PTPRD: variants seen among roughly 807,000 people sequenced by gnomAD.
PTPRD encodes the protein protein tyrosine phosphatase receptor type D, also known as receptor-type tyrosine-protein phosphatase delta.
A neutral mutation model predicts 214.5 loss-of-function variants in PTPRD; 34 were observed. The ratio of observed to expected loss-of-function variants is 0.16; its 90% confidence interval spans 0.12 to 0.21. PTPRD has a LOEUF of 0.21. PTPRD is among the 10% of genes least tolerant of loss of function. The pLI, the probability that PTPRD is intolerant of heterozygous loss-of-function variation, is 1.00. For missense variants in PTPRD, 2,545 were observed against 2,398.7 expected, an observed-to-expected ratio of 1.06 and a Z score of -1.27; for synonymous variants, 1,128 against 845.7, an observed-to-expected ratio of 1.33 and a Z score of -5.79.
rs962111758 is a variant in PTPRD at position 10,361,057 on chromosome 9, G to C, written c.-599-20040C>G. Among the ~76,000 whole-genome samples, 50 of 152,120 alleles carry C rather than the reference G, an allele frequency of 3.3e-4. 1 individual carries two copies. Among genetic ancestry groups the C allele is most frequent in the Admixed American group, 3.2e-3 (49 of 15,274 alleles). On this transcript the variant is annotated intron_variant, in intron 2 of 45. Transcript: ENST00000381196. ...GCGGAGCTTGTAGTGAGCCGAGATG[G>C]AGCCACTGCACTCCAGCCTGGGCGA...
intron 10 of PTPRD, among the ~76,000 whole-genome samples, chr9:9,048,765 G>T (rs942779347): frequency 1.3e-5 from 2 of 152,026 alleles, no homozygotes; most frequent in Non-Finnish European, 2.9e-5. Context: ...ACAACAGGGT[G>T]ACTATAATCA....
intron 9 of PTPRD, among the ~76,000 whole-genome samples, chr9:9,206,666 G>A (rs1000433741): frequency 6.6e-6 from 1 of 152,286 alleles, no homozygotes; most frequent in Non-Finnish European, 1.5e-5. Context: ...GAGTCTTCCT[G>A]CCTTCATCTG....
intron 3 of PTPRD, among the ~76,000 whole-genome samples, chr9:10,290,813 T>C (rs2095505191): frequency 6.6e-6 from 1 of 152,188 alleles, no homozygotes; most frequent in South Asian, 2.1e-4. Flanking sequence ...GGAGGAATTA[T>C]TGTTAATTAG....
intron 3 of PTPRD, among the ~76,000 whole-genome samples, chr9:10,230,657 T>C (rs2099606267): frequency 6.6e-6 from 1 of 152,010 alleles, no homozygotes; most frequent in Non-Finnish European, 1.5e-5. Flanking sequence ...ATTAAAATTT[T>C]GTGGTTGTTC....
chr9:8,486,272 T>C lies in PTPRD; in HGVS notation c.2545A>G (p.Thr849Ala). ...CGGTAGCCCTGAAGAGGTCCAAATG[T>C]GTCCACCGGAGGGTGCCACTGAATA... Reference protein sequence around the residue: ...ALIQWHPPVDTFGPLQGYRLK... With the variant: ...ALIQWHPPVDAFGPLQGYRLK... Residue 849 changes from threonine (T) to alanine (A), a missense_variant, in exon 28 of 46, where the codon ACA (threonine) becomes GCA (alanine). Physicochemically the swap from Thr to Ala is moderately conservative, Grantham distance 58 (BLOSUM62 0). Transcript: ENST00000381196. 6.2e-7 allele frequency: 1 copy of C among 1,614,210 alleles called. No individual in the cohort carries two copies.
intron 10 of PTPRD, among the ~76,000 whole-genome samples, chr9:9,043,931 AAAT>A (rs2099657537): frequency 6.6e-6 from 1 of 150,568 alleles, no homozygotes; most frequent in Non-Finnish European, 1.5e-5. Context: ...AAATAAAATA[AAAT>A]AAAATAAAAT....
At chr9:8,496,201 CACACACACAA>C (rs1168235700) in intron 26 of PTPRD, among the ~76,000 whole-genome samples, 3 of 142,714 alleles carry the variant, frequency 2.1e-5, no homozygotes, top group African/African-American at 5.0e-5. Context: ...CACACACACA[CACACACACAA>C]ACACACACAC....
At chr9:8,603,871 A>G (rs1291970686) in intron 14 of PTPRD, among the ~76,000 whole-genome samples, 1 of 152,210 alleles carries the variant, frequency 6.6e-6, no homozygotes, top group East Asian at 1.9e-4. Flanking sequence ...AGCCCAACTA[A>G]TTAGAAGAAA....
chr9:9,664,068 C>T (rs1418558405), intron 7 of PTPRD, among the ~76,000 whole-genome samples: 2 of 119,030 alleles, frequency 1.7e-5, no homozygotes, highest in East Asian at 2.4e-4. Context: ...TCTACATATA[C>T]AAACATTTAC....
intron 9 of PTPRD, among the ~76,000 whole-genome samples, chr9:9,214,006 T>A (rs781502311): frequency 1.1e-4 from 17 of 152,202 alleles, no homozygotes; most frequent in Non-Finnish European, 2.1e-4. Flanking sequence ...TAGCAAATAT[T>A]TGGTGGAACA....
chr9:10,032,870 G>C (rs1380453580), intron 4 of PTPRD, among the ~76,000 whole-genome samples: 1 of 151,742 alleles, frequency 6.6e-6, no homozygotes, highest in African/African-American at 2.4e-5. Flanking sequence ...TATCTATAAA[G>C]ATAGCAGTAA....
intron 3 of PTPRD, among the ~76,000 whole-genome samples, chr9:10,232,521 T>C (rs1465097838): frequency 2.0e-5 from 3 of 151,992 alleles, no homozygotes; most frequent in African/African-American, 7.2e-5. Context: ...TTGTATCATA[T>C]TCAGGCCCTG....
At chr9:9,879,563 G>A (rs797002821) in intron 5 of PTPRD, among the ~76,000 whole-genome samples, 62 of 152,302 alleles carry the variant, frequency 4.1e-4, no homozygotes, top group African/African-American at 1.5e-3. Context: ...GCAAGTATTT[G>A]ACACTGCAAC....
At chr9:8,633,541 C>A (rs916587091) in intron 13 of PTPRD, 83 bp from the exon 14 acceptor site, 34 of 1,457,052 alleles carry the variant, frequency 2.3e-5, no homozygotes, top group Non-Finnish European at 1.9e-6. Flanking sequence ...GTGGTGGATC[C>A]GCCATTAGGC....
chr9:9,837,835 G>A (rs1275109604), intron 5 of PTPRD, among the ~76,000 whole-genome samples: 1 of 152,082 alleles, frequency 6.6e-6, no homozygotes, highest in African/African-American at 2.4e-5. Flanking sequence ...AGTTACATAT[G>A]TATACATGTG....
chr9:9,350,056 C>T (rs1173574845), intron 9 of PTPRD, among the ~76,000 whole-genome samples: 3 of 151,952 alleles, frequency 2.0e-5, no homozygotes, highest in East Asian at 3.9e-4. Context: ...GAGGTAGGAA[C>T]GGAAAGGACC....
intron 2 of PTPRD, among the ~76,000 whole-genome samples, chr9:10,506,591 T>C (rs1159408055): frequency 3.3e-5 from 5 of 152,126 alleles, no homozygotes; most frequent in African/African-American, 7.2e-5. Flanking sequence ...CATATAAATA[T>C]ACACACCTAC....
At chr9:8,781,188 A>G (rs2095679864) in intron 11 of PTPRD, among the ~76,000 whole-genome samples, 2 of 152,210 alleles carry the variant, frequency 1.3e-5, no homozygotes, top group African/African-American at 2.4e-5. Flanking sequence ...GAATGATACA[A>G]GAAAGAGAAT....
At chr9:8,484,478 GTCAATTC>G (rs2096955039) in intron 29 of PTPRD, 100 bp from the exon 30 acceptor site, 36 of 1,201,334 alleles carry the variant, frequency 3.0e-5, no homozygotes, top group Non-Finnish European at 4.0e-5. Flanking sequence ...TGTATATATA[GTCAATTC>G]TAATTTTAGG....
Sources: allele counts gnomAD v4.1 joint callset (sites outside exome capture counted in the v4.1 genomes callset), GRCh38; gene constraint gnomAD v4.1.1; transcripts MANE v1.5; gene names NCBI Gene and HGNC (gene_info 2026-07-23, HGNC 2026-07-21).